CNOT2: variants seen among roughly 807,000 people sequenced by gnomAD.
CNOT2 encodes CC chemokine receptor 4-negative regulator of transcription 2.
A neutral mutation model predicts 72.1 loss-of-function variants in CNOT2; 7 were observed. The ratio of observed to expected loss-of-function variants is 0.10; its 90% CI spans 0.06 to 0.18. CNOT2 has a LOEUF of 0.18. Among genes scored for constraint, CNOT2 ranks in the 10% least tolerant of loss-of-function variants. The probability of loss-of-function intolerance (pLI) is 1.00; values close to 1 mark genes in which losing one functional copy is unlikely to be tolerated. For missense variants in CNOT2, 345 were observed against 660.3 expected (o/e 0.52, Z 5.23); for synonymous variants, 196 against 225.6 (o/e 0.87, Z 1.17).
At position 70,253,021 on chromosome 12, in the gene CNOT2, A is replaced by G. The variant is rs1381306979; in HGVS notation, c.-96+9541A>G. The stretch of plus-strand genomic sequence containing the variant: ...GCAGTCTTGCTCTTAGAGTCTAAAC[A>G]TGTTTTTCCTACCAGGAATTTTGTT... On this transcript the variant is annotated intron_variant, in intron 1 of 15. Coordinates refer to ENST00000229195, the MANE Select transcript of CNOT2 (RefSeq NM_014515.7). Among the ~76,000 whole-genome samples, 4 of 152,206 alleles carry G rather than the reference A, an allele frequency of 2.6e-5. 1 individual carries two copies. Among genetic ancestry groups the G allele is most frequent in the South Asian group, 4.1e-4 (2 of 4,832 alleles).
At chr12:70,278,366 T>C in intron 2 of CNOT2, 92 bp downstream of exon 2, 1 of 885,560 alleles carries the variant, frequency 1.1e-6, no homozygotes, top group East Asian at 2.5e-5. Flanking sequence ...ACCAGCAAAT[T>C]GGTTACACCT....
chr12:70,320,050 A>T (rs373913309), intron 4 of CNOT2, among the ~76,000 whole-genome samples: 2 of 151,786 alleles, frequency 1.3e-5, no homozygotes, highest in East Asian at 3.9e-4. Context: ...ATTTTCTCAA[A>T]TTAACTTCCC....
intron 1 of CNOT2, among the ~76,000 whole-genome samples, chr12:70,256,801 G>A (rs910797226): frequency 3.9e-5 from 6 of 151,922 alleles, no homozygotes; most frequent in Non-Finnish European, 7.4e-5. Context: ...TGGGGGATGT[G>A]AAAATGCAGG....
chr12:70,249,818 A>G (rs1958051324), intron 1 of CNOT2, among the ~76,000 whole-genome samples: 1 of 152,130 alleles, frequency 6.6e-6, no homozygotes, highest in Non-Finnish European at 1.5e-5. Context: ...ATAACATATC[A>G]TTGATGCTAC....
Position 70,272,579 on chromosome 12 carries a change from G to A in CNOT2, c.-95-5553G>A, listed in dbSNP as rs74101481. ...TAGTAATCACTATATTGCTTATACC[G>A]TTAAGTCTGTTGCTTCTCTCATGCT... On this transcript the variant is annotated intron_variant, in intron 1 of 15. Transcript: ENST00000229195. Among the ~76,000 whole-genome samples, 1,071 of 152,032 alleles carry A rather than the reference G, an allele frequency of 7.0e-3. 5 individuals are homozygous for A. Among genetic ancestry groups the A allele is most frequent in the African/African-American group, 0.023 (968 of 41,450 alleles).
At chr12:70,338,379 T>C in intron 9 of CNOT2, 64 bp from the exon 10 acceptor site, 1 of 1,335,550 alleles carries the variant, frequency 7.5e-7, no homozygotes, top group South Asian at 1.3e-5. Flanking sequence ...AAGGTATTAA[T>C]ATGTGAACTT....
At chr12:70,341,055 G>A (rs1479470620) in intron 11 of CNOT2, among the ~76,000 whole-genome samples, 1 of 151,852 alleles carries the variant, frequency 6.6e-6, no homozygotes, top group African/African-American at 2.4e-5. Context: ...GCTAATTTTT[G>A]TATTTTTAGT....
intron 1 of CNOT2, among the ~76,000 whole-genome samples, chr12:70,259,015 C>G (rs1958600547): frequency 6.6e-6 from 1 of 152,186 alleles, no homozygotes; most frequent in African/African-American, 2.4e-5. Context: ...TTTTTACTTA[C>G]AGTAAAATAT....
chr12:70,252,555 G>A (rs7969822), intron 1 of CNOT2, among the ~76,000 whole-genome samples: 32,892 of 152,082 alleles, frequency 0.22, 4,025 homozygotes, highest in African/African-American at 0.33. Context: ...AGCTGCCCAC[G>A]TAGCCTGATT....
intron 2 of CNOT2, among the ~76,000 whole-genome samples, chr12:70,292,589 T>C (rs976431987): frequency 2.0e-5 from 3 of 152,144 alleles, no homozygotes; most frequent in Admixed American, 1.3e-4. Flanking sequence ...GAGGCCAGTA[T>C]GGCAGGAGCA....
chr12:70,327,309 A>G (rs1220635492), intron 4 of CNOT2, among the ~76,000 whole-genome samples: 1 of 151,924 alleles, frequency 6.6e-6, no homozygotes, highest in Non-Finnish European at 1.5e-5. Context: ...AGATTTAGAA[A>G]AAAGGTTGAG....
At chr12:70,263,164 G>T (rs1593061364) in intron 1 of CNOT2, among the ~76,000 whole-genome samples, 1 of 152,062 alleles carries the variant, frequency 6.6e-6, no homozygotes, top group South Asian at 2.1e-4. Flanking sequence ...CCAACGTTTT[G>T]TGCTATGATG....
intron 2 of CNOT2, among the ~76,000 whole-genome samples, chr12:70,309,734 T>C (rs1876122840): frequency 6.6e-6 from 1 of 152,108 alleles, no homozygotes; most frequent in South Asian, 2.1e-4. Context: ...TCTTTTCTCA[T>C]TGACATTGGT....
Position 70,323,372 on chromosome 12 carries a change from A to T in CNOT2, c.238+4008A>T, listed in dbSNP as rs544112907. 5.3e-5 allele frequency: 8 copies of T among 151,912 alleles called. No individual in the cohort carries two copies. The South Asian group carries it at 8.3e-4, about 16-fold the overall frequency. The allele number at this position is 151,912 out of a possible 1,614,324, so 9.4% of individuals were successfully genotyped here. ...CATGATGAACAAGAAGCAGTCTCAT[A>T]TAATCTAGTAGGATAAGTACACAAA... On this transcript the variant is annotated intron_variant, in intron 4 of 15. Transcript: ENST00000229195.
intron 15 of CNOT2, among the ~76,000 whole-genome samples, chr12:70,348,690 C>T (rs1173418082): frequency 1.3e-5 from 2 of 152,000 alleles, no homozygotes; most frequent in Admixed American, 1.3e-4. Flanking sequence ...GTGAGAAAAT[C>T]AGCTTTCCAG....
chr12:70,304,607 C>G (rs927533681), intron 2 of CNOT2, among the ~76,000 whole-genome samples: 1 of 151,978 alleles, frequency 6.6e-6, no homozygotes, highest in Non-Finnish European at 1.5e-5. Context: ...TCAGTCCGCC[C>G]CTACTGGGGG....
chr12:70,247,670 T>C (rs1165094267), intron 1 of CNOT2, among the ~76,000 whole-genome samples: 2 of 152,230 alleles, frequency 1.3e-5, no homozygotes, highest in African/African-American at 4.8e-5. Flanking sequence ...TGTCACACTG[T>C]ATTGTAATTT....
chr12:70,345,708 C>T (rs959476183), intron 14 of CNOT2: 3 of 152,092 alleles, frequency 2.0e-5, no homozygotes, highest in Admixed American at 6.6e-5. Context: ...GCTCTAGTTT[C>T]AAGATAGTTA....
intron 2 of CNOT2, among the ~76,000 whole-genome samples, chr12:70,304,364 G>A (rs906144520): frequency 1.4e-4 from 21 of 152,096 alleles, no homozygotes; most frequent in African/African-American, 2.9e-4. Flanking sequence ...TGATGGTGAC[G>A]TACAGGTGGG....
Sources: allele counts gnomAD v4.1 joint callset (sites outside exome capture counted in the v4.1 genomes callset), GRCh38; gene constraint gnomAD v4.1.1; transcripts MANE v1.5; gene names NCBI Gene and HGNC (gene_info 2026-07-23, HGNC 2026-07-21).